Variants in MCF2L observed in about 807,000 individuals in gnomAD.
MCF2L encodes MCF.2 cell line derived transforming sequence like.
A neutral mutation model predicts 153.4 loss-of-function variants in MCF2L; 97 were observed. That is an observed-to-expected ratio of 0.63 (90% confidence interval 0.54 to 0.75). The LOEUF is 0.75. Ranked by LOEUF, MCF2L falls within the 30% of genes least tolerant of loss-of-function variation. The pLI is 0.00. For missense variants in MCF2L, 1,347 were observed against 1,495.2 expected (o/e 0.90, Z 1.64); for synonymous variants, 659 against 632.2 (o/e 1.04, Z -0.64).
intron 2 of MCF2L, among the ~76,000 whole-genome samples, chr13:112,930,722 A>G (rs1021216045): frequency 6.6e-6 from 1 of 152,206 alleles, no homozygotes; most frequent in Non-Finnish European, 1.5e-5. Context: ...AGATCACTTG[A>G]GGTCAGGAGT....
intron 2 of MCF2L, among the ~76,000 whole-genome samples, chr13:112,963,818 G>A (rs1171271889): frequency 6.6e-6 from 1 of 152,192 alleles, no homozygotes; most frequent in Non-Finnish European, 1.5e-5. Flanking sequence ...GCAGCTGGGT[G>A]GGGCCACAGC....
chr13:112,924,855 A>G (rs1566641524), intron 2 of MCF2L, among the ~76,000 whole-genome samples: 1 of 152,184 alleles, frequency 6.6e-6, no homozygotes, highest in Non-Finnish European at 1.5e-5. Context: ...TTTAATGAAA[A>G]TGGTGTGGAT....
chr13:112,931,656 G>A (rs1303086949), intron 2 of MCF2L, among the ~76,000 whole-genome samples: 2 of 152,186 alleles, frequency 1.3e-5, no homozygotes, highest in Non-Finnish European at 2.9e-5. Context: ...CCAGATCTTG[G>A]TTTCTAATTC....
rs547294849 is a variant in MCF2L at position 113,091,458 on chromosome 13, G to T, written c.2953+1730G>T. ...ACCCCGTCGGTGGCTGCTGGCCACG[G>T]CTGCTGCGCTGGTCACCTGGCCGTG... is the stretch of plus-strand genomic sequence containing the variant. On this transcript the variant is annotated intron_variant, in intron 26 of 29. Transcript: ENST00000535094. Among the ~76,000 whole-genome samples the T allele has an allele frequency of 1.4e-3, 217 of 152,358 alleles. 1 individual carries two copies. The highest frequency in any genetic ancestry group is 5.1e-3 in the African/African-American group (211 of 41,586).
At chr13:113,062,981 G>A (rs1413761773) in intron 5 of MCF2L, among the ~76,000 whole-genome samples, 3 of 152,170 alleles carry the variant, frequency 2.0e-5, no homozygotes, top group Admixed American at 6.5e-5. Flanking sequence ...ATGACCGCGG[G>A]GTATTTTCGG....
At chr13:112,950,513 T>A (rs2081681246) in intron 2 of MCF2L, among the ~76,000 whole-genome samples, 1 of 152,222 alleles carries the variant, frequency 6.6e-6, no homozygotes, top group Admixed American at 6.5e-5. Context: ...ATCAGGGCAG[T>A]GTGGTCCTGG....
At chr13:113,057,321 ACTGAGTGGGTG>A (rs1401320774) in intron 4 of MCF2L, among the ~76,000 whole-genome samples, 3 of 116,350 alleles carry the variant, frequency 2.6e-5, no homozygotes, top group Non-Finnish European at 3.4e-5. Context: ...CTGTTTTGGC[ACTGAGTGGGTG>A]CTGAGTGGGT....
rs781630031 is a variant in MCF2L, at chr13:113,075,194, G to T, written c.1308+5G>T. The T allele has an allele frequency of 3.2e-6, 5 of 1,585,520 alleles. No homozygotes were observed. The highest frequency in any genetic ancestry group is 4.3e-6 in the Non-Finnish European group (5 of 1,160,906). Reference sequence around the variant, plus strand: ...CTGCACCGCCGCCTGGAGACGGTAGGCCGAGCCGGACCCCACCCCACTCCC... The same window carrying T: ...CTGCACCGCCGCCTGGAGACGGTAGTCCGAGCCGGACCCCACCCCACTCCC... On this transcript the variant is annotated splice_donor_5th_base_variant and intron_variant, in intron 11 of 29. Coordinates refer to ENST00000535094, the MANE Select transcript of MCF2L (RefSeq NM_001112732.3).
Position 113,088,325 on chromosome 13 carries a change from A to G in MCF2L, c.2689-2A>G. The G allele has an allele frequency of 6.2e-7, 1 of 1,613,854 alleles. No individual in the cohort carries two copies. The highest frequency in any genetic ancestry group is 8.5e-7 in the Non-Finnish European group (1 of 1,179,902). ...CTCCTGGCGTTTCTTTTGGGGAAAC[A>G]GGCGCCAACTCCTGAGATTAAAGCC... On this transcript the variant is annotated splice_acceptor_variant, in intron 23 of 29. Coordinates refer to ENST00000535094, the MANE Select transcript of MCF2L (RefSeq NM_001112732.3). LOFTEE classifies it high-confidence loss of function.
chr13:113,013,281 G>T (rs943801802), intron 1 of MCF2L, among the ~76,000 whole-genome samples: 1 of 152,218 alleles, frequency 6.6e-6, no homozygotes, highest in African/African-American at 2.4e-5. Flanking sequence ...TCGCCGAGAC[G>T]TGGTTGCGTA....
chr13:113,088,184 A>T, intron 23 of MCF2L, 143 bp from the exon 24 acceptor site: 1 of 772,064 alleles, frequency 1.3e-6, no homozygotes, highest in Non-Finnish European at 2.3e-6. Context: ...GGCCACCCAC[A>T]GTGCTTTCCT....
intron 1 of MCF2L, chr13:112,985,214 T>A: frequency 2.8e-6 from 1 of 351,946 alleles, no homozygotes; most frequent in South Asian, 2.1e-5. Context: ...GGAGGGTAAT[T>A]GCCTGGCGTA....
intron 2 of MCF2L, among the ~76,000 whole-genome samples, chr13:113,022,386 C>A (rs1283027865): frequency 1.3e-5 from 2 of 150,144 alleles, no homozygotes; most frequent in Non-Finnish European, 3.0e-5. Context: ...CTCCCACCCA[C>A]CCCCGCCGGC....
intron 3 of MCF2L, chr13:113,044,760 G>A (rs376527555): frequency 4.8e-5 from 77 of 1,612,794 alleles, no homozygotes; most frequent in Middle Eastern, 1.6e-4. Context: ...CTCCTCTCCC[G>A]TTTCCAGCAG....
chr13:112,937,178 C>T (rs1003933765), intron 2 of MCF2L, among the ~76,000 whole-genome samples: 2 of 152,110 alleles, frequency 1.3e-5, no homozygotes, highest in Non-Finnish European at 2.9e-5. Flanking sequence ...CTCAGCCTCC[C>T]GAGTAGCTGC....
At chr13:112,957,568 G>C (rs1280714064) in intron 2 of MCF2L, 1 of 152,230 alleles carries the variant, frequency 6.6e-6, no homozygotes, top group Non-Finnish European at 1.5e-5. Flanking sequence ...ACGCCAGATA[G>C]ACGTGGCCAG....
chr13:113,026,426 C>T (rs977118440), intron 3 of MCF2L, among the ~76,000 whole-genome samples: 2 of 152,198 alleles, frequency 1.3e-5, no homozygotes, highest in Non-Finnish European at 2.9e-5. Flanking sequence ...ATCTGGGGTC[C>T]GAATCCAGCT....
intron 2 of MCF2L, among the ~76,000 whole-genome samples, chr13:112,921,619 C>T (rs2081353807): frequency 6.6e-6 from 1 of 152,210 alleles, no homozygotes; most frequent in South Asian, 2.1e-4. Context: ...CTGTTAGATA[C>T]ACGAGACACA....
intron 19 of MCF2L, 38 bp from the exon 20 acceptor site, chr13:113,085,048 G>A: frequency 6.2e-7 from 1 of 1,612,972 alleles, no homozygotes. Context: ...GAGGAATAAT[G>A]AAAATTGTGC....
Sources: gnomAD v4.1 joint callset for allele counts (sites outside exome capture counted in the v4.1 genomes callset) on GRCh38, gnomAD v4.1.1 for gene constraint, MANE v1.5 for transcripts, NCBI Gene and HGNC (gene_info 2026-07-23, HGNC 2026-07-21) for gene names.